HPD: variants seen among roughly 807,000 people sequenced by gnomAD.
HPD encodes the protein 4-hydroxyphenylpyruvic acid oxidase.
A neutral mutation model predicts 56.9 loss-of-function variants in HPD; 35 were observed. The observed-to-expected ratio is 0.62, with a 90% CI of 0.47 to 0.82. The LOEUF is 0.82. Among genes scored for constraint, HPD ranks in the 40% least tolerant of loss-of-function variants. The pLI is 0.00. For missense variants in HPD, 442 were observed against 506.8 expected (o/e 0.87, Z 1.23); for synonymous variants, 186 against 200.2 (o/e 0.93, Z 0.60).
rs372672594 is a variant in HPD, at chr12:121,839,824, G to T, written c.1086C>A (p.Gly362=). The change falls in exon 14 of 14, where the codon GGC becomes GGA. Residue 362 remains glycine (G), a synonymous_variant. Coordinates refer to ENST00000289004, the MANE Select transcript of HPD (RefSeq NM_002150.3). ...AAGCCTTGAACAGTGAGTTGAAGTTGCCGGCTCCAAAACCCTGTGGCGGGA... is the reference window on the plus strand; with the variant it reads ...AAGCCTTGAACAGTGAGTTGAAGTTTCCGGCTCCAAAACCCTGTGGCGGGA... ...QRHNHQGFGA[G]NFNSLFKAFE... is the part of the protein sequence containing the mutation. 2 of 1,614,020 alleles carry T rather than the reference G, an allele frequency of 1.2e-6. No individual in the cohort carries two copies. The highest frequency in any genetic ancestry group is 2.7e-5 in the African/African-American group (2 of 74,940).
At chr12:121,854,891 C>T (rs1314235239) in intron 6 of HPD, 99 bp from the exon 7 acceptor site, 1 of 891,244 alleles carries the variant, frequency 1.1e-6, no homozygotes, top group Non-Finnish European at 1.9e-6. Context: ...GTCCTGCAGG[C>T]CCCTCCAGTT....
chr12:121,856,881 C>T (rs972054746), intron 4 of HPD: 25 of 566,164 alleles, frequency 4.4e-5, no homozygotes, highest in South Asian at 1.0e-4. Flanking sequence ...GGGACCCCAT[C>T]GGTCAGGGCA....
upstream of HPD, among the ~76,000 whole-genome samples, chr12:121,864,194 AG>A (rs1878260658): frequency 6.6e-6 from 1 of 151,610 alleles, no homozygotes; most frequent in African/African-American, 2.4e-5. Flanking sequence ...CATTGAGCTG[AG>A]ATCGTGCCAC....
chr12:121,847,012 C>T (rs1193666683), intron 10 of HPD, 40 bp downstream of exon 10: 19 of 1,613,912 alleles, frequency 1.2e-5, no homozygotes, highest in Non-Finnish European at 1.6e-5. Flanking sequence ...CCCCAGACCT[C>T]TTCCCTGCTC....
At chr12:121,879,383 A>G in the HPD span, among the ~76,000 whole-genome samples, 9 of 152,002 alleles carry the variant, frequency 5.9e-5, no homozygotes, top group Admixed American at 3.3e-4. Context: ...AGTAAAGAAA[A>G]CAAGCCTACT....
chr12:121,870,892 G>A, the HPD span, among the ~76,000 whole-genome samples: 4 of 151,744 alleles, frequency 2.6e-5, no homozygotes, highest in Admixed American at 6.6e-5. Context: ...CACCGCACCC[G>A]GCCTATTGAA....
In HPD at chr12:121,857,766, G is replaced by T. The variant is rs1441672343; in HGVS notation, c.84C>A (p.Asn28Lys). The change falls in exon 3 of 14, where the codon AAC becomes AAA. Residue 28 changes from asparagine (N) to lysine (K), a missense_variant. Coordinates refer to ENST00000289004, the MANE Select transcript of HPD (RefSeq NM_002150.3). ...HFHSVTFWVG[N>K]AKQATSFYCS... ...TTGCCCCGGCTTCTACCTGCTTGGC[G>T]TTGCCAACCCAGAAGGTCACAGAGT... 2 of 1,613,716 alleles carry T rather than the reference G, an allele frequency of 1.2e-6. No individual in the cohort carries two copies. Among genetic ancestry groups the T allele is most frequent in the East Asian group, 4.5e-5 (2 of 44,878 alleles).
chr12:121,844,386 A>G (rs1157762350), intron 11 of HPD, among the ~76,000 whole-genome samples: 1 of 151,970 alleles, frequency 6.6e-6, no homozygotes, highest in Admixed American at 6.6e-5. Flanking sequence ...CCATGCAGCA[A>G]TCTTTTGAGG....
At chr12:121,851,805 G>A (rs1204460189) in intron 7 of HPD, among the ~76,000 whole-genome samples, 1,806 of 29,758 alleles carry the variant, frequency 0.061, 758 homozygotes, top group Non-Finnish European at 0.072. Context: ...CGCCTCCCGG[G>A]TTCACGCCAT....
the HPD span, among the ~76,000 whole-genome samples, chr12:121,884,683 G>C: frequency 3.2e-3 from 477 of 151,338 alleles, 1 homozygote; most frequent in Middle Eastern, 6.8e-3. Context: ...TCTTCTTTCT[G>C]TTTAAAGTTT....
At chr12:121,863,355 T>A (rs2137641378), upstream of HPD, among the ~76,000 whole-genome samples, 1 of 152,276 alleles carries the variant, frequency 6.6e-6, no homozygotes, top group African/African-American at 2.4e-5. Context: ...CGAGAGAGGG[T>A]ACATCACAGG....
chr12:121,865,443 T>C (rs989197707), upstream of HPD, among the ~76,000 whole-genome samples: 11 of 151,050 alleles, frequency 7.3e-5, no homozygotes, highest in Non-Finnish European at 1.3e-4. Flanking sequence ...CTATTTTTTG[T>C]ATTTTTAGTA....
chr12:121,857,664 G>T (rs1187517372), intron 3 of HPD, 93 bp downstream of exon 3: 1 of 1,122,994 alleles, frequency 8.9e-7, no homozygotes, highest in Non-Finnish European at 1.4e-6. Flanking sequence ...TCCCTCCCAA[G>T]GGCCAATCAC....
At chr12:121,874,824 C>T in the HPD span, among the ~76,000 whole-genome samples, 3 of 151,388 alleles carry the variant, frequency 2.0e-5, no homozygotes, top group Non-Finnish European at 4.4e-5. Context: ...TGCAATGGCA[C>T]GATCTCTGCC....
At chr12:121,862,976 G>C (rs182697155), upstream of HPD, among the ~76,000 whole-genome samples, 278 of 137,290 alleles carry the variant, frequency 2.0e-3, 4 homozygotes, top group African/African-American at 7.2e-3. Context: ...CACCGCGCCC[G>C]GCACCCCCCC....
At chr12:121,879,074 C>G in the HPD span, among the ~76,000 whole-genome samples, 1 of 152,032 alleles carries the variant, frequency 6.6e-6, no homozygotes, top group Non-Finnish European at 1.5e-5. Context: ...CGCCTGAGGT[C>G]AGGAGTTTGA....
chr12:121,854,876 G>C (rs1877938694), intron 6 of HPD, 84 bp from the exon 7 acceptor site: 1 of 1,057,252 alleles, frequency 9.5e-7, no homozygotes, highest in Non-Finnish European at 1.5e-6. Flanking sequence ...GGTGGCCTCT[G>C]CGTGGTCCTG....
chr12:121,865,365 G>T (rs1250601903), upstream of HPD, among the ~76,000 whole-genome samples: 1 of 151,262 alleles, frequency 6.6e-6, no homozygotes, highest in African/African-American at 2.4e-5. Context: ...CGCCTCCCGG[G>T]TTCAACCAAT....
chr12:121,840,149 CT>C (rs1389370678), intron 12 of HPD, 101 bp from the exon 13 acceptor site: 2 of 809,526 alleles, frequency 2.5e-6, no homozygotes, highest in African/African-American at 3.4e-5. Flanking sequence ...GAAATGACCT[CT>C]TTTTCTGGCA....
Sources: allele counts gnomAD v4.1 joint callset (sites outside exome capture counted in the v4.1 genomes callset), GRCh38; gene constraint gnomAD v4.1.1; transcripts MANE v1.5; gene names NCBI Gene and HGNC (gene_info 2026-07-23, HGNC 2026-07-21).